The following SSTR2 variants were observed in gnomAD, a reference collection of about 807,000 sequenced individuals.
SSTR2 encodes the protein somatostatin receptor 2, also known as somatostatin receptor type 2.
Under a neutral mutation model 21.4 loss-of-function variants are expected in SSTR2, and 10 were observed. That is an observed-to-expected ratio of 0.47 (90% CI 0.29 to 0.79). The LOEUF (loss-of-function observed/expected upper bound fraction) is 0.79, where lower values mean the gene tolerates loss of function less well. Ranked by LOEUF, SSTR2 falls within the 30% of genes least tolerant of loss-of-function variation. SSTR2 has a pLI of 0.10. For synonymous variants in SSTR2, 177 were observed against 181.3 expected (o/e 0.98, Z 0.19); for missense variants, 364 against 468.8 (o/e 0.78, Z 2.06).
Position 73,169,198 on chromosome 17 carries a change from G to T in SSTR2, c.-92-30G>T. 8.1e-7 allele frequency: 1 copy of T among 1,237,884 alleles called. No homozygotes were observed. The highest frequency in any genetic ancestry group is 1.6e-5 in the South Asian group (1 of 63,132). 76.7% of individuals were successfully genotyped at this position (1,237,884 alleles called of 1,614,324 possible). On this transcript the variant is annotated intron_variant, in intron 1 of 1. Coordinates refer to ENST00000357585, the MANE Select transcript of SSTR2 (RefSeq NM_001050.3). This position sits in a 1 kb window ranked among gnomAD's most constrained non-coding sequence, Gnocchi z 5.2. ...GTGAGACTTTAAACAGCCTGTGACC[G>T]ACGGGCCAATCTTCCTCTTTTCCTT...
chr17:73,167,502 A>C (rs1300718842), intron 1 of SSTR2, among the ~76,000 whole-genome samples: 1 of 152,204 alleles, frequency 6.6e-6, no homozygotes, highest in Non-Finnish European at 1.5e-5. Context: ...CAGGAAAAGG[A>C]CCTAGCTCAG....
chr17:73,170,734 A>C lies in SSTR2; in HGVS notation c.*305A>C. The C allele has an allele frequency of 3.7e-6, 2 of 544,768 alleles. No homozygotes were observed. The highest frequency in any genetic ancestry group is 7.2e-6 in the Non-Finnish European group (2 of 277,002). 33.7% of individuals were successfully genotyped at this position (544,768 alleles called of 1,614,324 possible). A position where few individuals can be genotyped will look rare whatever the true frequency, so the allele number is the denominator to read the frequency against. ...ACAACAAAAATAGAAAAAAATAAGT[A>C]TCTGTGTGTTTGTGTATTGAAAACT... On this transcript the variant is annotated 3_prime_UTR_variant, in exon 2 of 2. Coordinates refer to ENST00000357585, the MANE Select transcript of SSTR2 (RefSeq NM_001050.3).
rs2061246447 is a variant in SSTR2, at chr17:73,175,424, A to T, written c.*4995A>T. On this transcript the variant is annotated 3_prime_UTR_variant, in exon 2 of 2. Transcript: ENST00000357585. ...ATTCTCCTGCCTCAGCCTCCCAAGT[A>T]GCAGGGACTACAGGCACGTGCCACC... The T allele has an allele frequency of 6.6e-6, 1 of 151,780 alleles. No homozygotes were observed. The highest frequency in any genetic ancestry group is 6.6e-5 in the Admixed American group (1 of 15,212). 9.4% of individuals were successfully genotyped at this position (151,780 alleles called of 1,614,324 possible).
At chr17:73,168,531 A>G (rs948840256) in intron 1 of SSTR2, among the ~76,000 whole-genome samples, 3 of 152,216 alleles carry the variant, frequency 2.0e-5, no homozygotes, top group Non-Finnish European at 1.5e-5. Context: ...AAGACTATAA[A>G]TTGTTTCACC....
rs1164117865 is a variant in SSTR2, at chr17:73,169,632, C to G, written c.313C>G (p.Leu105Val). The G allele has an allele frequency of 1.2e-6, 2 of 1,614,160 alleles. No homozygotes were observed. The highest frequency in any genetic ancestry group is 1.3e-5 in the African/African-American group (1 of 74,950). Residue 105 changes from leucine to valine, a missense_variant, in exon 2 of 2, where the codon CTG (leucine) becomes GTG (valine). Transcript: ENST00000357585. The surrounding 1 kb of genome is among the most constrained non-coding windows in gnomAD (Gnocchi z 5.2). ...GLPFLAMQVA[L>V]VHWPFGKAIC... ...GCCTTTCTTGGCTATGCAGGTGGCT[C>G]TGGTCCACTGGCCCTTTGGCAAGGC...
Position 73,170,418 on chromosome 17 carries a change from A to G in SSTR2, c.1099A>G (p.Thr367Ala), listed in dbSNP as rs755046992. The change falls in exon 2 of 2, where the codon ACC becomes GCC. Residue 367 changes from threonine to alanine, a missense_variant. Thr to Ala is a moderately conservative substitution (Grantham distance 58). This residue lies in a region of SSTR2 where 71 missense variants were observed against 53.8 expected (regional missense o/e 1.32). Transcript: ENST00000357585. ...GACCCTCCTCAATGGAGACCTCCAA[A>G]CCAGTATCTGAACTGCTTGGGGGGT... ...QRTLLNGDLQ[T>A]SI The G allele has an allele frequency of 6.2e-7, 1 of 1,613,210 alleles. No individual in the cohort carries two copies. The highest frequency in any genetic ancestry group is 1.7e-5 in the Admixed American group (1 of 59,980).
At chr17:73,167,034 T>C (rs2061218660) in intron 1 of SSTR2, among the ~76,000 whole-genome samples, 1 of 152,122 alleles carries the variant, frequency 6.6e-6, no homozygotes, top group African/African-American at 2.4e-5. Flanking sequence ...TCATGTTATA[T>C]AGATGGGCCC....
rs1185746682 is a variant in SSTR2, at chr17:73,170,818, T to C, written c.*389T>C. ...TGTATATTCCTATTTATTCTCTGTA[T>C]AGGCATTACCTACGTTCCTGTGTTT... On this transcript the variant is annotated 3_prime_UTR_variant, in exon 2 of 2. Coordinates refer to ENST00000357585, the MANE Select transcript of SSTR2 (RefSeq NM_001050.3). The C allele has an allele frequency of 8.9e-6, 4 of 448,748 alleles. No individual in the cohort carries two copies. The highest frequency in any genetic ancestry group is 6.9e-5 in the East Asian group (1 of 14,442). The allele number at this position is 448,748 out of a possible 1,614,324, so 27.8% of individuals were successfully genotyped here.
chr17:73,167,037 A>G (rs2061218674), intron 1 of SSTR2, among the ~76,000 whole-genome samples: 1 of 152,082 alleles, frequency 6.6e-6, no homozygotes, highest in Admixed American at 6.5e-5. Context: ...TGTTATATAG[A>G]TGGGCCCCTG....
In SSTR2 at chr17:73,171,013, G is replaced by C; in HGVS notation, c.*584G>C. 1 of 213,332 alleles carries C rather than the reference G, an allele frequency of 4.7e-6. No individual in the cohort carries two copies. The allele number at this position is 213,332 out of a possible 1,614,324, so 13.2% of individuals were successfully genotyped here. A position where few individuals can be genotyped will look rare whatever the true frequency, so the allele number is the denominator to read the frequency against. On this transcript the variant is annotated 3_prime_UTR_variant, in exon 2 of 2. Transcript: ENST00000357585. ...AGGGACTTGGGCAGTATGTTCATGTGGTCATATGTTTTTGTAAAAAATTGT... is the reference window on the plus strand; with the variant it reads ...AGGGACTTGGGCAGTATGTTCATGTCGTCATATGTTTTTGTAAAAAATTGT...
rs965640236 is a variant in SSTR2 at position 73,175,091 on chromosome 17, A to G, written c.*4662A>G. On this transcript the variant is annotated 3_prime_UTR_variant, in exon 2 of 2. Transcript: ENST00000357585. ...GATTAGTGTTTCCAAAATGCTTATC[A>G]TTCTAAGAATCCCAATAGCTGGCAA... 1 of 152,240 alleles carries G rather than the reference A, an allele frequency of 6.6e-6. No individual in the cohort carries two copies. Among genetic ancestry groups the G allele is most frequent in the Non-Finnish European group, 1.5e-5 (1 of 68,044 alleles). 9.4% of individuals were successfully genotyped at this position (152,240 alleles called of 1,614,324 possible). A position where few individuals can be genotyped will look rare whatever the true frequency, so the allele number is the denominator to read the frequency against.
Position 73,170,883 on chromosome 17 carries a change from T to C in SSTR2, c.*454T>C. ...CAAATTCGAGTATGCATAGTGTAGA[T>C]GGACATTTGCCACAACACACTGCCC... On this transcript the variant is annotated 3_prime_UTR_variant, in exon 2 of 2. Coordinates refer to ENST00000357585, the MANE Select transcript of SSTR2 (RefSeq NM_001050.3). 2.6e-6 allele frequency: 1 copy of C among 384,108 alleles called. No individual in the cohort carries two copies. Among genetic ancestry groups the C allele is most frequent in the Non-Finnish European group, 5.3e-6 (1 of 188,354 alleles). The allele number at this position is 384,108 out of a possible 1,614,324, so 23.8% of individuals were successfully genotyped here. A position where few individuals can be genotyped will look rare whatever the true frequency, so the allele number is the denominator to read the frequency against.
chr17:73,170,380 C>T lies in SSTR2; in HGVS notation c.1061C>T (p.Thr354Met), dbSNP rs184367950. 54 of 1,613,820 alleles carry T rather than the reference C, an allele frequency of 3.3e-5. No homozygotes were observed. The highest frequency in any genetic ancestry group is 6.7e-5 in the East Asian group (3 of 44,876). Residue 354 changes from threonine (T) to methionine (M), a missense_variant, in exon 2 of 2, where the codon ACG becomes ATG. Physicochemically the swap from Thr to Met is moderately conservative, Grantham distance 81. Coordinates refer to ENST00000357585, the MANE Select transcript of SSTR2 (RefSeq NM_001050.3). ...GACAAATCCCGGCTGAATGAGACCA[C>T]GGAGACCCAGAGGACCCTCCTCAAT... ...KQDKSRLNET[T>M]ETQRTLLNGD...
At position 73,169,651 on chromosome 17, in the gene SSTR2, G is replaced by A. The variant is rs1310987037; in HGVS notation, c.332G>A (p.Gly111Asp). 3 of 1,614,122 alleles carry A rather than the reference G, an allele frequency of 1.9e-6. No individual in the cohort carries two copies. The highest frequency in any genetic ancestry group is 2.7e-5 in the African/African-American group (2 of 74,936). ...MQVALVHWPF[G>D]KAICRVVMTV... is the part of the protein sequence containing the mutation. ...GTGGCTCTGGTCCACTGGCCCTTTGGCAAGGCCATTTGCCGGGTGGTCATG... is the reference window on the plus strand; with the variant it reads ...GTGGCTCTGGTCCACTGGCCCTTTGACAAGGCCATTTGCCGGGTGGTCATG... The change falls in exon 2 of 2, where the codon GGC (glycine) becomes GAC (aspartate). Residue 111 changes from glycine (G) to aspartate (D), a missense_variant. By Grantham distance (94) the Gly-to-Asp change is moderately conservative. Coordinates refer to ENST00000357585, the MANE Select transcript of SSTR2 (RefSeq NM_001050.3). This position sits in a 1 kb window ranked among gnomAD's most constrained non-coding sequence, Gnocchi z 5.2.
At position 73,170,489 on chromosome 17, in the gene SSTR2, AC is replaced by A. The variant is rs1471090123; in HGVS notation, c.*63del. 6.3e-7 allele frequency: 1 copy of A among 1,581,548 alleles called. No individual in the cohort carries two copies. Among genetic ancestry groups the A allele is most frequent in the African/African-American group, 1.4e-5 (1 of 73,878 alleles). On this transcript the variant is annotated 3_prime_UTR_variant, in exon 2 of 2. Coordinates refer to ENST00000357585, the MANE Select transcript of SSTR2 (RefSeq NM_001050.3). ...TCTGTCTACTGGCAATGGGCTCCCT[AC>A]CCACACTGGCTTCCTGCCTCCCACC...
Position 73,172,473 on chromosome 17 carries a change from G to A in SSTR2, c.*2044G>A, listed in dbSNP as rs540836087. On this transcript the variant is annotated 3_prime_UTR_variant, in exon 2 of 2. Transcript: ENST00000357585. ...GTGACTAAGTGCTCCACCTGTGGGT[G>A]TCCTTCTTAATGTGCTGCTTTTGTT... 1 of 152,302 alleles carries A rather than the reference G, an allele frequency of 6.6e-6. No homozygotes were observed. Among genetic ancestry groups the A allele is most frequent in the African/African-American group, 2.4e-5 (1 of 41,566 alleles). The allele number at this position is 152,302 out of a possible 1,614,324, so 9.4% of individuals were successfully genotyped here.
intron 1 of SSTR2, chr17:73,167,860 C>G (rs111478903): frequency 6.6e-6 from 1 of 152,378 alleles, no homozygotes; most frequent in East Asian, 1.9e-4. Context: ...AGGCCCCCAA[C>G]CCCCGTGATA....
intron 1 of SSTR2, 47 bp downstream of exon 1, chr17:73,165,335 T>TGTGTGTGTGTGA (rs1491564085): frequency 2.0e-4 from 28 of 141,644 alleles, no homozygotes; most frequent in Admixed American, 1.1e-3. Context: ...TGTGTGTGTG[T>TGTGTGTGTGTGA]GATAAGAGAG....
chr17:73,169,625 G>A lies in SSTR2; in HGVS notation c.306G>A (p.Gln102=), dbSNP rs780290953. Residue 102 remains glutamine (Q), a synonymous_variant, in exon 2 of 2, where the codon CAG becomes CAA. Coordinates refer to ENST00000357585, the MANE Select transcript of SSTR2 (RefSeq NM_001050.3). This position sits in a 1 kb window ranked among gnomAD's most constrained non-coding sequence, Gnocchi z 5.2. ...TGGGTCTGCCTTTCTTGGCTATGCA[G>A]GTGGCTCTGGTCCACTGGCCCTTTG... ...FMLGLPFLAM[Q]VALVHWPFGK... is the part of the protein sequence containing the mutation. 5.6e-6 allele frequency: 9 copies of A among 1,614,266 alleles called. No individual in the cohort carries two copies. Among genetic ancestry groups the A allele is most frequent in the South Asian group, 5.5e-5 (5 of 91,086 alleles).
Sources: gnomAD v4.1 joint callset for allele counts (sites outside exome capture counted in the v4.1 genomes callset) on GRCh38, gnomAD v4.1.1 for gene constraint, gnomAD v4.1.1 regional missense constraint, Gnocchi (gnomAD v3.1) non-coding constraint, MANE v1.5 for transcripts, NCBI Gene and HGNC (gene_info 2026-07-23, HGNC 2026-07-21) for gene names.